Variants in NLK observed in about 807,000 individuals in gnomAD.
NLK encodes serine/threonine-protein kinase NLK.
NLK carries 11 observed loss-of-function variants against 59.0 expected under a neutral mutation model. The ratio of observed to expected loss-of-function variants is 0.19; its 90% CI spans 0.12 to 0.31. The LOEUF is 0.31. NLK is among the 10% of genes least tolerant of loss of function. NLK has a pLI of 1.00. For synonymous variants in NLK, 235 were observed against 235.9 expected (o/e 1.00, Z 0.03); for missense variants, 410 against 661.1 (o/e 0.62, Z 4.16).
chr17:28,186,644 A>G (rs1018932876), intron 8 of NLK, among the ~76,000 whole-genome samples: 2 of 151,884 alleles, frequency 1.3e-5, no homozygotes, highest in Admixed American at 1.3e-4. Context: ...CAGCAGGCAA[A>G]GAGAGAGAGC....
chr17:28,132,382 T>C (rs941007954), intron 2 of NLK, among the ~76,000 whole-genome samples: 1 of 152,188 alleles, frequency 6.6e-6, no homozygotes, highest in Non-Finnish European at 1.5e-5. Flanking sequence ...GCAGGGATTT[T>C]GGTAGCGTGT....
At chr17:28,193,949 G>A in intron 10 of NLK, among the ~76,000 whole-genome samples, 1 of 152,112 alleles carries the variant, frequency 6.6e-6, no homozygotes, top group East Asian at 1.9e-4. Flanking sequence ...GAAACAAGGG[G>A]TTACACTTTT....
chr17:28,156,595 T>C (rs561372999), intron 3 of NLK, among the ~76,000 whole-genome samples: 2 of 152,190 alleles, frequency 1.3e-5, no homozygotes, highest in African/African-American at 4.8e-5. Flanking sequence ...GGTCATTGAT[T>C]TGTTAGATAA....
intron 3 of NLK, among the ~76,000 whole-genome samples, chr17:28,139,982 G>A (rs1322831072): frequency 1.3e-5 from 2 of 152,194 alleles, no homozygotes; most frequent in Non-Finnish European, 1.5e-5. Flanking sequence ...AGAAAAAAAC[G>A]ATAAGGAAAC....
chr17:28,110,692 T>C (rs1220621003), intron 1 of NLK, among the ~76,000 whole-genome samples: 1 of 152,284 alleles, frequency 6.6e-6, no homozygotes, highest in South Asian at 2.1e-4. Flanking sequence ...CAAACTTTTT[T>C]CTTCGTTTCT....
At chr17:28,140,131 G>T (rs1266862528) in intron 3 of NLK, among the ~76,000 whole-genome samples, 2 of 152,070 alleles carry the variant, frequency 1.3e-5, no homozygotes, top group Non-Finnish European at 2.9e-5. Flanking sequence ...CATCTAGTTG[G>T]CCAGAGTTTG....
chr17:28,188,407 A>C (rs1379867154), intron 8 of NLK, among the ~76,000 whole-genome samples: 7 of 152,200 alleles, frequency 4.6e-5, no homozygotes, highest in African/African-American at 1.7e-4. Flanking sequence ...AATGAGAACA[A>C]GAAACCATTT....
chr17:28,199,279 G>A (rs769503453), downstream of NLK, among the ~76,000 whole-genome samples: 73 of 152,322 alleles, frequency 4.8e-4, no homozygotes, highest in Admixed American at 1.2e-3. Context: ...TGCAACAGCT[G>A]TGGAAAATGG....
intron 3 of NLK, 56 bp from the exon 4 acceptor site, chr17:28,161,104 C>G: frequency 1.1e-6 from 1 of 944,598 alleles, no homozygotes; most frequent in Non-Finnish European, 1.7e-6. Context: ...CTGGTCACCA[C>G]TTTGAGGGGG....
chr17:28,139,585 G>T (rs1372110324), intron 3 of NLK, among the ~76,000 whole-genome samples: 1 of 152,158 alleles, frequency 6.6e-6, no homozygotes, highest in African/African-American at 2.4e-5. Context: ...ATATGACATT[G>T]TACTAACCTC....
At chr17:28,132,898 A>G (rs1906578828) in intron 3 of NLK, among the ~76,000 whole-genome samples, 1 of 152,186 alleles carries the variant, frequency 6.6e-6, no homozygotes, top group Non-Finnish European at 1.5e-5. Context: ...ATCTGAACAG[A>G]TATTTAATCC....
chr17:28,053,680 A>G (rs1205323747), intron 1 of NLK, among the ~76,000 whole-genome samples: 1 of 152,220 alleles, frequency 6.6e-6, no homozygotes, highest in Non-Finnish European at 1.5e-5. Context: ...AAAAAAGGTG[A>G]AAAGAGACAT....
Position 28,149,034 on chromosome 17 carries a change from A to G in NLK, c.645-12126A>G, listed in dbSNP as rs181530983. Among the ~76,000 whole-genome samples, 432 of 152,292 alleles carry G rather than the reference A, an allele frequency of 2.8e-3. 4 individuals carry two copies. The highest frequency in any genetic ancestry group is 9.9e-3 in the African/African-American group (412 of 41,556). Reference sequence around the variant, plus strand: ...CATAGTGAGCACTCAATAAATGTCCATTTTATTTTTATTACTTTTCATGTT... The same window carrying G: ...CATAGTGAGCACTCAATAAATGTCCGTTTTATTTTTATTACTTTTCATGTT... On this transcript the variant is annotated intron_variant, in intron 3 of 10. Coordinates refer to ENST00000407008, the MANE Select transcript of NLK (RefSeq NM_016231.5).
At chr17:28,156,206 T>A (rs1325752649) in intron 3 of NLK, among the ~76,000 whole-genome samples, 1 of 152,172 alleles carries the variant, frequency 6.6e-6, no homozygotes, top group Non-Finnish European at 1.5e-5. Context: ...TACCTCATGC[T>A]CAGCTTTAAC....
chr17:28,082,333 A>G (rs1225927649), intron 1 of NLK, among the ~76,000 whole-genome samples: 1 of 150,266 alleles, frequency 6.7e-6, no homozygotes, highest in Non-Finnish European at 1.5e-5. Flanking sequence ...TTTCAAAAAC[A>G]TTATTAGCTG....
chr17:28,087,553 A>G lies in NLK; in HGVS notation c.459-35050A>G, dbSNP rs992827321. 3.3e-5 allele frequency among the ~76,000 whole-genome samples: 5 copies of G among 152,218 alleles called. No individual in the cohort carries two copies. In the South Asian group the frequency reaches 6.2e-4, roughly 19 times the overall value. ...GCTAATGGAAATAGTAGATGGGGCTATGGTATAGAAACAGATTAGGTAAGA... is the reference window on the plus strand; with the variant it reads ...GCTAATGGAAATAGTAGATGGGGCTGTGGTATAGAAACAGATTAGGTAAGA... On this transcript the variant is annotated intron_variant, in intron 1 of 10. Coordinates refer to ENST00000407008, the MANE Select transcript of NLK (RefSeq NM_016231.5).
intron 7 of NLK, among the ~76,000 whole-genome samples, chr17:28,180,615 C>T (rs1908866748): frequency 6.6e-6 from 1 of 152,156 alleles, no homozygotes; most frequent in South Asian, 2.1e-4. Flanking sequence ...CCAGTGTTCC[C>T]TTTGCTAAGC....
chr17:28,160,253 G>A (rs1033149351), intron 3 of NLK, among the ~76,000 whole-genome samples: 1 of 152,284 alleles, frequency 6.6e-6, no homozygotes, highest in East Asian at 1.9e-4. Context: ...GAGGAGGAGG[G>A]AGTTTGAAAA....
At chr17:28,136,424 G>A (rs1323814530) in intron 3 of NLK, among the ~76,000 whole-genome samples, 1 of 152,136 alleles carries the variant, frequency 6.6e-6, no homozygotes, top group Non-Finnish European at 1.5e-5. Context: ...ACCTATAGCA[G>A]CCACAGGATT....
Sources: gnomAD v4.1 joint callset for allele counts (sites outside exome capture counted in the v4.1 genomes callset) on GRCh38, gnomAD v4.1.1 for gene constraint, MANE v1.5 for transcripts, NCBI Gene and HGNC (gene_info 2026-07-23, HGNC 2026-07-21) for gene names.